DMD: variants seen among roughly 807,000 people sequenced by gnomAD.
DMD encodes mutant dystrophin.
A neutral mutation model predicts 330.1 loss-of-function variants in DMD; 63 were observed. That is an observed-to-expected ratio of 0.19 (90% CI 0.16 to 0.24). The LOEUF is 0.24. DMD is among the 10% of genes least tolerant of loss of function. DMD has a pLI of 1.00. For missense variants in DMD, 3,344 were observed against 2,684.1 expected, an observed-to-expected ratio of 1.25 and a Z score of -5.43; for synonymous variants, 1,223 against 959.8, an observed-to-expected ratio of 1.27 and a Z score of -5.07.
At chrX:31,877,783 C>T (rs2093992089) in intron 47 of DMD, among the ~76,000 whole-genome samples, 1 of 111,178 alleles carries the variant, frequency 9.0e-6, no homozygotes, top group South Asian at 3.7e-4. Flanking sequence ...ATGATGTCCT[C>T]AACTTATTTT....
At chrX:32,426,892 TG>T (rs1425363105) in intron 29 of DMD, among the ~76,000 whole-genome samples, 2 of 110,866 alleles carry the variant, frequency 1.8e-5, no homozygotes, top group African/African-American at 6.6e-5. Context: ...CACTTATAAG[TG>T]GGAGCTAAAT....
At chrX:31,213,072 G>A (rs1448710473) in intron 64 of DMD, among the ~76,000 whole-genome samples, 1 of 112,500 alleles carries the variant, frequency 8.9e-6, no homozygotes, top group Non-Finnish European at 1.9e-5. Flanking sequence ...GATTTTTCTT[G>A]CCCAGGCATG....
intron 12 of DMD, among the ~76,000 whole-genome samples, chrX:32,600,306 G>A (rs750431116): frequency 9.0e-6 from 1 of 111,283 alleles, no homozygotes; most frequent in Admixed American, 9.6e-5. Flanking sequence ...GTAAGGCTAG[G>A]GAAATTTTTG....
chrX:32,094,732 T>C (rs2096495215), intron 44 of DMD, among the ~76,000 whole-genome samples: 1 of 110,682 alleles, frequency 9.0e-6, no homozygotes, highest in Non-Finnish European at 1.9e-5. Flanking sequence ...GCCTGAAGGG[T>C]ACATCAAAAT....
chrX:32,052,931 G>T (rs1186917886), intron 44 of DMD, among the ~76,000 whole-genome samples: 1 of 110,861 alleles, frequency 9.0e-6, no homozygotes, highest in Non-Finnish European at 1.9e-5. Context: ...ACTATAAAAG[G>T]AGAGTTGCAA....
chrX:33,005,655 C>T (rs1007424405), intron 2 of DMD, among the ~76,000 whole-genome samples: 1 of 109,908 alleles, frequency 9.1e-6, no homozygotes, highest in African/African-American at 3.3e-5. Flanking sequence ...TAATTGACAT[C>T]CTATTTAGTG....
At chrX:32,342,471 T>A (rs746301650) in intron 40 of DMD, among the ~76,000 whole-genome samples, 189 bp from the exon 41 acceptor site, 1 of 112,335 alleles carries the variant, frequency 8.9e-6, no homozygotes, top group East Asian at 2.8e-4. Context: ...TCAGTTATCC[T>A]TTGAATGCTT....
At chrX:31,584,312 T>C (rs1279679688) in intron 55 of DMD, among the ~76,000 whole-genome samples, 1 of 108,337 alleles carries the variant, frequency 9.2e-6, no homozygotes. Flanking sequence ...CATGAGTCCA[T>C]GTGTTCTCAT....
intron 63 of DMD, among the ~76,000 whole-genome samples, chrX:31,234,603 T>C (rs1390580951): frequency 9.0e-6 from 1 of 111,614 alleles, no homozygotes; most frequent in Non-Finnish European, 1.9e-5. Context: ...AGCCCAGGGG[T>C]TAAAGATTCA....
intron 41 of DMD, among the ~76,000 whole-genome samples, chrX:32,311,691 G>C (rs1288395221): frequency 9.0e-6 from 1 of 111,410 alleles, no homozygotes; most frequent in Non-Finnish European, 1.9e-5. Flanking sequence ...TTAGAAACTT[G>C]AGCCAGAGTT....
At chrX:31,423,763 G>A (rs1028095155) in intron 60 of DMD, among the ~76,000 whole-genome samples, 2 of 111,145 alleles carry the variant, frequency 1.8e-5, no homozygotes, top group Non-Finnish European at 3.8e-5. Context: ...TTTTAAACCC[G>A]TGAACACCAG....
At chrX:32,298,463 A>G (rs1390373410) in intron 42 of DMD, among the ~76,000 whole-genome samples, 1 of 109,348 alleles carries the variant, frequency 9.1e-6, no homozygotes, top group Non-Finnish European at 1.9e-5. Flanking sequence ...TAAGATTTTA[A>G]CATGCTAAAT....
chrX:32,666,827 CAAA>C (rs59974295), intron 9 of DMD, among the ~76,000 whole-genome samples: 1 of 83,975 alleles, frequency 1.2e-5, no homozygotes, highest in Admixed American at 1.4e-4. Flanking sequence ...AATCTGTCTC[CAAA>C]AAAAAAAAAA....
chrX:31,812,385 G>T (rs2092484052), intron 50 of DMD, among the ~76,000 whole-genome samples: 1 of 90,172 alleles, frequency 1.1e-5, no homozygotes, highest in Non-Finnish European at 2.1e-5. Flanking sequence ...CATGGTCACA[G>T]GAAGGGGAAC....
rs1205136246 is a variant in DMD at position 31,794,239 on chromosome X, A to G, written c.7310-20047T>C. ...TCTATTCATATCCTTTCTGAAAGAT[A>G]AACTACCTCAAAATTCAGGACCCAA... On this transcript the variant is annotated intron_variant, in intron 50 of 78. Coordinates refer to ENST00000357033, the MANE Select transcript of DMD (RefSeq NM_004006.3). Among the ~76,000 whole-genome samples the G allele has an allele frequency of 7.2e-5, 8 of 111,324 alleles. No homozygotes were observed. In the East Asian group the frequency reaches 1.1e-3, roughly 16 times the overall value.
intron 48 of DMD, among the ~76,000 whole-genome samples, chrX:31,841,191 A>G (rs2093312924): frequency 8.9e-6 from 1 of 111,907 alleles, no homozygotes; most frequent in African/African-American, 3.2e-5. Flanking sequence ...AGTGGTCTGG[A>G]CAGAAGATCA....
chrX:31,560,059 GTT>G (rs1217977927), intron 55 of DMD, among the ~76,000 whole-genome samples: 3 of 111,886 alleles, frequency 2.7e-5, no homozygotes, highest in African/African-American at 9.7e-5. Flanking sequence ...CTTCATAAGT[GTT>G]GTTTTCTGTT....
At chrX:32,554,825 GGGGAGGGAGAGAGAGA>G (rs1249074838) in intron 16 of DMD, among the ~76,000 whole-genome samples, 426 of 7,362 alleles carry the variant, frequency 0.058, 9 homozygotes, top group African/African-American at 0.25. Flanking sequence ...AGGGAGGGAG[GGGGAGGGAGAGAGAGA>G]GAGAGAGAGA....
intron 7 of DMD, among the ~76,000 whole-genome samples, chrX:32,785,780 A>C (rs961070802): frequency 2.7e-5 from 3 of 111,521 alleles, no homozygotes; most frequent in African/African-American, 9.7e-5. Context: ...AGAGAAAAAA[A>C]TACATTATTT....
Sources: allele counts gnomAD v4.1 joint callset (sites outside exome capture counted in the v4.1 genomes callset), GRCh38; gene constraint gnomAD v4.1.1; transcripts MANE v1.5; gene names NCBI Gene and HGNC (gene_info 2026-07-23, HGNC 2026-07-21).